The following GPC4 variants were observed in gnomAD, a reference collection of about 807,000 sequenced individuals.
GPC4 encodes glypican-4.
In GPC4, 10 loss-of-function variants were observed where a neutral mutation model predicts 35.0. The ratio of observed to expected loss-of-function variants is 0.29; its 90% CI spans 0.18 to 0.48. The LOEUF (loss-of-function observed/expected upper bound fraction) is 0.48. GPC4 is among the 20% of genes least tolerant of loss of function. The pLI, the probability that GPC4 is intolerant of heterozygous loss-of-function variation, is 0.99. For synonymous variants in GPC4, 167 were observed against 170.2 expected (o/e 0.98, Z 0.15); for missense variants, 322 against 451.3 (o/e 0.71, Z 2.60).
chrX:133,405,217 T>C (rs2068782576), intron 1 of GPC4, among the ~76,000 whole-genome samples: 1 of 106,246 alleles, frequency 9.4e-6, no homozygotes, highest in African/African-American at 3.4e-5. Flanking sequence ...CAACTAATTC[T>C]CCTGCCTCAG....
At chrX:133,409,190 G>A (rs1260928039) in intron 1 of GPC4, among the ~76,000 whole-genome samples, 1 of 106,705 alleles carries the variant, frequency 9.4e-6, no homozygotes, top group Non-Finnish European at 1.9e-5. Flanking sequence ...GGCGGTAGTG[G>A]CTCATGCCTA....
intron 1 of GPC4, among the ~76,000 whole-genome samples, chrX:133,339,550 T>C (rs1369294186): frequency 8.9e-6 from 1 of 112,106 alleles, no homozygotes; most frequent in East Asian, 2.8e-4. Context: ...GCAAAAGAAC[T>C]TTCCAATCAG....
At chrX:133,358,582 T>C (rs1203141185) in intron 1 of GPC4, among the ~76,000 whole-genome samples, 1 of 111,956 alleles carries the variant, frequency 8.9e-6, no homozygotes, top group Non-Finnish European at 1.9e-5. Context: ...GTATGTCAAA[T>C]AAAAACAAAC....
chrX:133,391,469 C>T (rs945614051), intron 1 of GPC4, among the ~76,000 whole-genome samples: 1 of 112,118 alleles, frequency 8.9e-6, no homozygotes, highest in Non-Finnish European at 1.9e-5. Flanking sequence ...GATCCCAAAT[C>T]CTTTTAGTTC....
intron 1 of GPC4, among the ~76,000 whole-genome samples, chrX:133,394,314 C>G (rs1472949774): frequency 9.1e-6 from 1 of 109,841 alleles, no homozygotes; most frequent in African/African-American, 3.3e-5. Flanking sequence ...GTGAATAAGA[C>G]TGGATCGTGA....
chrX:133,313,554 T>G (rs1415942884), intron 3 of GPC4, among the ~76,000 whole-genome samples: 3 of 111,813 alleles, frequency 2.7e-5, no homozygotes, highest in African/African-American at 9.8e-5. Flanking sequence ...AAGACTTCCC[T>G]ACATGTCCCC....
intron 4 of GPC4, among the ~76,000 whole-genome samples, chrX:133,307,960 C>T (rs909709969): frequency 8.9e-6 from 1 of 111,893 alleles, no homozygotes; most frequent in Non-Finnish European, 1.9e-5. Flanking sequence ...GCCGGCTATA[C>T]ACAAGAGCCT....
intron 7 of GPC4, among the ~76,000 whole-genome samples, 193 bp downstream of exon 7, chrX:133,304,532 A>G (rs1242129269): frequency 8.9e-6 from 1 of 111,840 alleles, no homozygotes; most frequent in African/African-American, 3.3e-5. Context: ...CACTCTTTGT[A>G]AGTAACTGGG....
At chrX:133,328,244 T>C (rs2068403276) in intron 2 of GPC4, among the ~76,000 whole-genome samples, 2 of 111,387 alleles carry the variant, frequency 1.8e-5, no homozygotes, top group Admixed American at 9.6e-5. Context: ...AGACCCAGAC[T>C]CATTTCTTTT....
At chrX:133,382,538 C>T (rs1460400816) in intron 1 of GPC4, among the ~76,000 whole-genome samples, 4 of 107,518 alleles carry the variant, frequency 3.7e-5, no homozygotes, top group African/African-American at 1.4e-4. Context: ...ACCATCCTGG[C>T]TAACACGGTG....
chrX:133,306,020 T>C lies in GPC4; in HGVS notation c.1008+4A>G. The C allele has an allele frequency of 8.3e-7, 1 of 1,211,424 alleles. No individual in the cohort carries two copies. Among genetic ancestry groups the C allele is most frequent in the Non-Finnish European group, 1.1e-6 (1 of 895,385 alleles). On this transcript the variant is annotated splice_donor_region_variant and intron_variant, in intron 5 of 8. Coordinates refer to ENST00000370828, the MANE Select transcript of GPC4 (RefSeq NM_001448.3). ...TCCCCTTTCCAGCATCCTGCCTTCA[T>C]TACCTTCTGAGACACTTGAACACTA... is the stretch of plus-strand genomic sequence containing the variant.
In GPC4 at chrX:133,304,833, T is replaced by C; in HGVS notation, c.1184A>G (p.Gln395Arg). ...LVTDVKEKLKQAKKFWSSLPS... is the reference protein window; with the variant it reads ...LVTDVKEKLKRAKKFWSSLPS... Reference sequence around the variant, plus strand: ...AAGGGAGGACCAGAATTTCTTGGCCTGTTTCAGTTTCTCCTTGACATCAGT... The same window carrying C: ...AAGGGAGGACCAGAATTTCTTGGCCCGTTTCAGTTTCTCCTTGACATCAGT... Residue 395 changes from glutamine to arginine, a missense_variant, in exon 7 of 9, where the codon CAG becomes CGG. Gln to Arg is a conservative substitution (Grantham distance 43). Around this residue, in one of 3 missense-constraint regions of GPC4, gnomAD observed 163 missense variants for 277.2 expected, o/e 0.59. Coordinates refer to ENST00000370828, the MANE Select transcript of GPC4 (RefSeq NM_001448.3). The C allele has an allele frequency of 8.3e-7, 1 of 1,210,520 alleles. No homozygotes were observed. The highest frequency in any genetic ancestry group is 2.3e-4 in the Middle Eastern group (1 of 4,352).
intron 1 of GPC4, among the ~76,000 whole-genome samples, chrX:133,371,619 A>G (rs2068612340): frequency 8.9e-6 from 1 of 112,067 alleles, no homozygotes; most frequent in Non-Finnish European, 1.9e-5. Context: ...AGCCATCTTT[A>G]TACACAAAAT....
intron 1 of GPC4, among the ~76,000 whole-genome samples, chrX:133,345,424 C>A (rs1353105912): frequency 1.8e-5 from 2 of 112,122 alleles, no homozygotes; most frequent in South Asian, 7.4e-4. Context: ...GAGGGAGGGG[C>A]GCCAGAAAAG....
intron 1 of GPC4, among the ~76,000 whole-genome samples, chrX:133,408,461 C>G: frequency 8.9e-6 from 1 of 112,277 alleles, no homozygotes; most frequent in East Asian, 2.8e-4. Context: ...AATTCCTGGC[C>G]AGTGCAGTAG....
intron 1 of GPC4, among the ~76,000 whole-genome samples, chrX:133,371,646 T>C (rs921280082): frequency 9.0e-6 from 1 of 111,603 alleles, no homozygotes; most frequent in African/African-American, 3.3e-5. Context: ...TTAATGGGTA[T>C]AGCATTTCTT....
chrX:133,372,992 GA>G (rs1400821569), intron 1 of GPC4, among the ~76,000 whole-genome samples: 1 of 111,573 alleles, frequency 9.0e-6, no homozygotes, highest in Non-Finnish European at 1.9e-5. Context: ...GGAGGGGTCT[GA>G]GATGGAATCT....
In GPC4 at chrX:133,322,634, CT is replaced by C. The variant is rs748018834; in HGVS notation, c.711+1510del. Among the ~76,000 whole-genome samples the C allele has an allele frequency of 2.7e-5, 3 of 110,722 alleles. No homozygotes were observed. In the East Asian group the frequency reaches 8.5e-4, roughly 31 times the overall value. ...CCTCCCGATTTAGACAGTAAGTGTC[CT>C]GTTTGGATAAAAAATTATATGGTCA... On this transcript the variant is annotated intron_variant, in intron 3 of 8. Coordinates refer to ENST00000370828, the MANE Select transcript of GPC4 (RefSeq NM_001448.3).
At chrX:133,391,617 G>A (rs889606582) in intron 1 of GPC4, among the ~76,000 whole-genome samples, 1 of 111,893 alleles carries the variant, frequency 8.9e-6, no homozygotes, top group Non-Finnish European at 1.9e-5. Flanking sequence ...AAATTGCTTC[G>A]TGAACACAAG....
Sources: allele counts gnomAD v4.1 joint callset (sites outside exome capture counted in the v4.1 genomes callset), GRCh38; gene constraint gnomAD v4.1.1; regional missense constraint gnomAD v4.1.1; transcripts MANE v1.5; gene names NCBI Gene and HGNC (gene_info 2026-07-23, HGNC 2026-07-21).